Variants in USP43 observed in about 807,000 individuals in gnomAD.
USP43 encodes the protein ubiquitin carboxyl-terminal hydrolase 43.
A neutral mutation model predicts 90.7 loss-of-function variants in USP43; 33 were observed. The ratio of observed to expected loss-of-function variants is 0.36; its 90% CI spans 0.28 to 0.49. USP43 has a LOEUF of 0.49. USP43 is among the 20% of genes least tolerant of loss of function. The pLI, the probability that USP43 is intolerant of heterozygous loss-of-function variation, is 0.98. For missense variants in USP43, 1,274 were observed against 1,476.4 expected, an observed-to-expected ratio of 0.86 and a Z score of 2.25; for synonymous variants, 598 against 615.8, an observed-to-expected ratio of 0.97 and a Z score of 0.43.
chr17:9,710,565 C>G (rs1197182182), intron 13 of USP43, among the ~76,000 whole-genome samples: 1 of 128,866 alleles, frequency 7.8e-6, no homozygotes, highest in African/African-American at 3.2e-5. Context: ...AGTGCAGTGG[C>G]ATGATCTTGG....
intron 5 of USP43, 77 bp from the exon 6 acceptor site, chr17:9,680,154 A>G (rs1009039622): frequency 2.0e-6 from 3 of 1,536,404 alleles, no homozygotes; most frequent in African/African-American, 2.7e-5. Flanking sequence ...GGTGTTGACT[A>G]TCAGTCACTT....
chr17:9,675,408 G>C (rs1056539284), intron 4 of USP43, among the ~76,000 whole-genome samples: 1 of 152,182 alleles, frequency 6.6e-6, no homozygotes, highest in African/African-American at 2.4e-5. Context: ...AAAGAGGAAA[G>C]GGGTTGTTTG....
At position 9,686,751 on chromosome 17, in the gene USP43, G is replaced by C; in HGVS notation, c.1242-47G>C. ...CAACCACTCATGACTGGTGGATGTT[G>C]CTGGTTTTTCCTTTGCTGGGATAAC... On this transcript the variant is annotated intron_variant, in intron 7 of 14. Coordinates refer to ENST00000285199, the MANE Select transcript of USP43 (RefSeq NM_153210.5). This position sits in a 1 kb window ranked among gnomAD's most constrained non-coding sequence, Gnocchi z 5.5. 6.4e-7 allele frequency: 1 copy of C among 1,553,558 alleles called. No individual in the cohort carries two copies. The highest frequency in any genetic ancestry group is 8.8e-7 in the Non-Finnish European group (1 of 1,131,778).
At chr17:9,700,737 C>T (rs1915518238) in intron 10 of USP43, among the ~76,000 whole-genome samples, 1 of 152,196 alleles carries the variant, frequency 6.6e-6, no homozygotes. Flanking sequence ...GACCCTCTGA[C>T]TGGAGTCCAT....
intron 8 of USP43, among the ~76,000 whole-genome samples, chr17:9,691,753 TAA>T: frequency 6.7e-6 from 1 of 149,416 alleles, no homozygotes; most frequent in African/African-American, 2.4e-5. Context: ...TATTTTCCAT[TAA>T]AAAAAAAATT....
chr17:9,664,231 G>A (rs1474691093), intron 2 of USP43, among the ~76,000 whole-genome samples: 5 of 152,102 alleles, frequency 3.3e-5, no homozygotes, highest in African/African-American at 4.8e-5. Context: ...TACAACTTAC[G>A]TTGTACTAAA....
In USP43 at chr17:9,681,462, T is replaced by TTTTTTATATATATA. The variant is rs1491455898; in HGVS notation, c.1105+1097_1105+1098insTTTTATATATATAT. ...TATAGATAAATATATATAAAATATATTATATATATATATATATATATATAT... is the reference window on the plus strand; with the variant it reads ...TATAGATAAATATATATAAAATATATTTTTTATATATATATATATATATATATATATATATATAT... On this transcript the variant is annotated intron_variant, in intron 6 of 14. Transcript: ENST00000285199. Among the ~76,000 whole-genome samples, 29 of 18,580 alleles carry TTTTTTATATATATA rather than the reference T, an allele frequency of 1.6e-3. 1 individual carries two copies. The highest frequency in any genetic ancestry group is 0.011 in the East Asian group (3 of 272). 12.2% of individuals were successfully genotyped at this position (18,580 alleles called of 152,430 possible). A position where few individuals can be genotyped will look rare whatever the true frequency, so the allele number is the denominator to read the frequency against.
chr17:9,666,059 A>G (rs751356918), intron 2 of USP43, among the ~76,000 whole-genome samples: 9 of 152,202 alleles, frequency 5.9e-5, no homozygotes, highest in Non-Finnish European at 1.3e-4. Flanking sequence ...ATTTGCTGTC[A>G]CAGCCACAGG....
chr17:9,668,396 T>G (rs947998367), intron 3 of USP43, among the ~76,000 whole-genome samples: 1 of 152,390 alleles, frequency 6.6e-6, no homozygotes. Flanking sequence ...GCCCGGAAAC[T>G]ATCCTGATTT....
intron 1 of USP43, among the ~76,000 whole-genome samples, chr17:9,652,962 GATT>G (rs1368210756): frequency 2.0e-5 from 3 of 151,892 alleles, no homozygotes; most frequent in Non-Finnish European, 2.9e-5. Flanking sequence ...TCTATGACCG[GATT>G]ATTATTTTCT....
intron 6 of USP43, among the ~76,000 whole-genome samples, chr17:9,682,259 G>A (rs1484213301): frequency 6.6e-6 from 1 of 152,114 alleles, no homozygotes; most frequent in Non-Finnish European, 1.5e-5. Flanking sequence ...TTAAATTCTT[G>A]TTCCTGTTTT....
intron 1 of USP43, among the ~76,000 whole-genome samples, chr17:9,655,035 G>T (rs1340543076): frequency 7.1e-6 from 1 of 140,276 alleles, no homozygotes; most frequent in Admixed American, 7.9e-5. Flanking sequence ...ACTGCACCTG[G>T]CCTCTAAAGT....
chr17:9,652,367 TC>T (rs904458690), intron 1 of USP43, among the ~76,000 whole-genome samples: 17 of 151,380 alleles, frequency 1.1e-4, no homozygotes, highest in Non-Finnish European at 1.5e-4. Flanking sequence ...TTTTTTTTTT[TC>T]CTTCTTTTTT....
At chr17:9,667,476 C>T (rs567701755) in intron 3 of USP43, among the ~76,000 whole-genome samples, 1 of 152,262 alleles carries the variant, frequency 6.6e-6, no homozygotes, top group East Asian at 1.9e-4. Context: ...TCTCTTTGAG[C>T]TTTTATATGT....
intron 5 of USP43, among the ~76,000 whole-genome samples, chr17:9,677,098 G>C (rs1277426413): frequency 1.3e-5 from 2 of 152,154 alleles, no homozygotes; most frequent in South Asian, 4.1e-4. Flanking sequence ...TTTGCCTTCC[G>C]AGAAGGCAAT....
chr17:9,648,091 C>T (rs1405960471), intron 1 of USP43, among the ~76,000 whole-genome samples: 1 of 152,168 alleles, frequency 6.6e-6, no homozygotes, highest in Non-Finnish European at 1.5e-5. Context: ...ACCAGAATTC[C>T]CTATCTCTCT....
chr17:9,714,980 G>A (rs997605321), intron 14 of USP43, among the ~76,000 whole-genome samples: 4 of 152,190 alleles, frequency 2.6e-5, no homozygotes, highest in African/African-American at 7.2e-5. Context: ...AGGGAGGCCT[G>A]CCTGCAGCAG....
At position 9,705,616 on chromosome 17, in the gene USP43, G is replaced by A. The variant is rs142050557; in HGVS notation, c.2011+3916G>A. On this transcript the variant is annotated intron_variant, in intron 12 of 14. Transcript: ENST00000285199. ...CTAAAAATACAAAAATCAGCCAGGC[G>A]TGGTGGCGTGTGCCTGTAGTTCCAG... Among the ~76,000 whole-genome samples, 174 of 152,032 alleles carry A rather than the reference G, an allele frequency of 1.1e-3. 2 individuals are homozygous for A. In the East Asian group the frequency reaches 0.029, roughly 26 times the overall value.
chr17:9,656,666 A>T (rs1912275487), intron 2 of USP43, 132 bp downstream of exon 2: 1 of 1,189,764 alleles, frequency 8.4e-7, no homozygotes, highest in African/African-American at 1.6e-5. Flanking sequence ...CTATATCCAC[A>T]GTCTGTTCCC....
Sources: allele counts gnomAD v4.1 joint callset (sites outside exome capture counted in the v4.1 genomes callset), GRCh38; gene constraint gnomAD v4.1.1; non-coding constraint Gnocchi (gnomAD v3.1); transcripts MANE v1.5; gene names NCBI Gene and HGNC (gene_info 2026-07-23, HGNC 2026-07-21).